SLF1: variants seen among roughly 807,000 people sequenced by gnomAD.
The protein encoded by SLF1 is SMC5/6 complex localization factor 1, also known as SMC5-SMC6 complex localization factor protein 1.
A neutral mutation model predicts 123.0 loss-of-function variants in SLF1; 105 were observed. That is an observed-to-expected ratio of 0.85 (90% CI 0.73 to 1.00). The LOEUF is 1.00. SLF1 is among the 50% of genes least tolerant of loss of function. The pLI, the probability that SLF1 is intolerant of heterozygous loss-of-function variation, is 0.00. For synonymous variants in SLF1, 434 were observed against 406.6 expected, an observed-to-expected ratio of 1.07 and a Z score of -0.81; for missense variants, 1,239 against 1,223.0, an observed-to-expected ratio of 1.01 and a Z score of -0.20.
chr5:94,646,130 G>A (rs905779067), intron 5 of SLF1, among the ~76,000 whole-genome samples: 6 of 152,124 alleles, frequency 3.9e-5, no homozygotes, highest in African/African-American at 1.4e-4. Context: ...CACACCTATA[G>A]TTCTAGCTAC....
chr5:94,672,752 A>G lies in SLF1; in HGVS notation c.1827+1744A>G, dbSNP rs527397923. ...AACATGGCAATGACATTTATTATCT[A>G]TGCTTGATTATTCCATATCTGAAGT... On this transcript the variant is annotated intron_variant, in intron 14 of 20. Transcript: ENST00000265140. 1.9e-4 allele frequency among the ~76,000 whole-genome samples: 29 copies of G among 152,210 alleles called. No homozygotes were observed. In the South Asian group the frequency reaches 5.6e-3, roughly 29 times the overall value.
chr5:94,660,821 G>C (rs895331907), intron 9 of SLF1, among the ~76,000 whole-genome samples: 1 of 152,166 alleles, frequency 6.6e-6, no homozygotes, highest in Admixed American at 6.5e-5. Flanking sequence ...AGAGGCCCCA[G>C]GCAGGTGGCT....
At chr5:94,650,634 G>A (rs1747598874) in intron 6 of SLF1, among the ~76,000 whole-genome samples, 1 of 152,128 alleles carries the variant, frequency 6.6e-6, no homozygotes, top group African/African-American at 2.4e-5. Flanking sequence ...AAAGTGCTGG[G>A]ATTACATAGT....
At chr5:94,684,829 C>T (rs1752232088) in intron 15 of SLF1, among the ~76,000 whole-genome samples, 1 of 152,030 alleles carries the variant, frequency 6.6e-6, no homozygotes, top group Non-Finnish European at 1.5e-5. Context: ...AGCCATTTGC[C>T]CAAAGGTTTA....
chr5:94,634,517 C>G (rs1561426059), intron 4 of SLF1, among the ~76,000 whole-genome samples: 2 of 152,162 alleles, frequency 1.3e-5, no homozygotes, highest in African/African-American at 2.4e-5. Flanking sequence ...TTCTCTCTTT[C>G]TAAAGTCTAC....
chr5:94,689,367 G>A (rs984458610), intron 17 of SLF1, 106 bp from the exon 18 acceptor site: 2 of 1,144,374 alleles, frequency 1.7e-6, no homozygotes, highest in Non-Finnish European at 2.4e-6. Context: ...ATGAGTAAGG[G>A]AGTTTAAATT....
intron 18 of SLF1, 140 bp downstream of exon 18, chr5:94,689,746 GTAT>G (rs1186521333): frequency 2.9e-6 from 2 of 690,678 alleles, no homozygotes; most frequent in Admixed American, 3.1e-5. Context: ...CTTGGATAAC[GTAT>G]TATTTTCTTG....
In SLF1 at chr5:94,671,017, GA is replaced by G. The variant is rs1354746208; in HGVS notation, c.1827+10del. ...AATTCAAGTCTAATGATGTAAGTAG[GA>G]TTAATTTATAGATGAATAGTCTATG... On this transcript the variant is annotated intron_variant, in intron 14 of 20. Transcript: ENST00000265140. 3.3e-6 allele frequency: 5 copies of G among 1,497,034 alleles called. No homozygotes were observed. The African/African-American group carries it at 7.0e-5, about 21-fold the overall frequency. 92.7% of individuals were successfully genotyped at this position (1,497,034 alleles called of 1,614,324 possible). A position where few individuals can be genotyped will look rare whatever the true frequency, so the allele number is the denominator to read the frequency against.
In SLF1 at chr5:94,634,168, A is replaced by G. The variant is rs543277927; in HGVS notation, c.431+3425A>G. Among the ~76,000 whole-genome samples the G allele has an allele frequency of 3.9e-5, 6 of 152,302 alleles. No homozygotes were observed. The East Asian group carries it at 5.8e-4, about 15-fold the overall frequency. ...ATTAGTCATTACTTCTGTTAGTCCT[A>G]TCAGCTTTTGCTTTATTTATACTGA... is the stretch of plus-strand genomic sequence containing the variant. On this transcript the variant is annotated intron_variant, in intron 4 of 20. Coordinates refer to ENST00000265140, the MANE Select transcript of SLF1 (RefSeq NM_032290.4).
rs397882900 is a variant in SLF1 at position 94,684,697 on chromosome 5, C to CA, written c.1976-1850dup. ...TGGGCAATAGAGCGAGACTCTGTCTCAAAAAAAAAAAAAAAAAAAAAAAAA... is the reference window on the plus strand; with the variant it reads ...TGGGCAATAGAGCGAGACTCTGTCTCAAAAAAAAAAAAAAAAAAAAAAAAAA... On this transcript the variant is annotated intron_variant, in intron 15 of 20. Coordinates refer to ENST00000265140, the MANE Select transcript of SLF1 (RefSeq NM_032290.4). Among the ~76,000 whole-genome samples the CA allele has an allele frequency of 7.0e-3, 479 of 68,752 alleles. 21 individuals are homozygous for CA. The highest frequency in any genetic ancestry group is 0.026 in the South Asian group (44 of 1,700). 45.1% of individuals were successfully genotyped at this position (68,752 alleles called of 152,430 possible). A position where few individuals can be genotyped will look rare whatever the true frequency, so the allele number is the denominator to read the frequency against.
chr5:94,680,323 GA>G (rs1400919876), intron 15 of SLF1, among the ~76,000 whole-genome samples: 1 of 152,060 alleles, frequency 6.6e-6, no homozygotes, highest in African/African-American at 2.4e-5. Flanking sequence ...TCATTGAGCT[GA>G]GGGGGTGATT....
At chr5:94,633,322 A>G (rs1249837470) in intron 4 of SLF1, among the ~76,000 whole-genome samples, 3 of 152,208 alleles carry the variant, frequency 2.0e-5, no homozygotes, top group Non-Finnish European at 2.9e-5. Context: ...CCAAACTTGT[A>G]TTCTTGAGAT....
At chr5:94,691,447 G>T in intron 18 of SLF1, 117 bp from the exon 19 acceptor site, 2 of 696,598 alleles carry the variant, frequency 2.9e-6, no homozygotes, top group Non-Finnish European at 4.5e-6. Context: ...GTCAAAAGAA[G>T]AACTCAATAA....
In SLF1 at chr5:94,667,497, C is replaced by G. The variant is rs74763656; in HGVS notation, c.1532+1473C>G. Among the ~76,000 whole-genome samples the G allele has an allele frequency of 2.6e-5, 4 of 152,256 alleles. No homozygotes were observed. The South Asian group carries it at 8.3e-4, about 32-fold the overall frequency. On this transcript the variant is annotated intron_variant, in intron 12 of 20. Transcript: ENST00000265140. ...TAATTTTTCTTCCAAAGTACCCCCC[C>G]ACAGTATGCTCTTTCCAAAGTGATC...
At chr5:94,649,723 G>C in intron 6 of SLF1, 126 bp downstream of exon 6, 1 of 873,098 alleles carries the variant, frequency 1.1e-6, no homozygotes, top group African/African-American at 1.7e-5. Flanking sequence ...TGTGTTTATA[G>C]TCTGTGACTT....
intron 12 of SLF1, among the ~76,000 whole-genome samples, chr5:94,667,929 G>A (rs965423025): frequency 6.6e-6 from 1 of 151,604 alleles, no homozygotes; most frequent in African/African-American, 2.4e-5. Context: ...TGTATTTTTT[G>A]TAGAAATGGG....
chr5:94,633,337 T>G (rs1464304568), intron 4 of SLF1, among the ~76,000 whole-genome samples: 1 of 152,240 alleles, frequency 6.6e-6, no homozygotes, highest in Non-Finnish European at 1.5e-5. Flanking sequence ...TGAGATAAAC[T>G]GTACTTCATC....
At chr5:94,677,422 C>T (rs1362882839) in intron 14 of SLF1, among the ~76,000 whole-genome samples, 1 of 151,990 alleles carries the variant, frequency 6.6e-6, no homozygotes, top group Non-Finnish European at 1.5e-5. Context: ...AATATTAGAT[C>T]TATTAGTTAT....
Position 94,685,002 on chromosome 5 carries a change from C to CA in SLF1, c.1976-1569dup, listed in dbSNP as rs1483769435. Reference sequence around the variant, plus strand: ...TCCTGGGCCTTTGCCCACTAGATGCCAATAGCATCCCTTTCCCCAATGTGG... The same window carrying CA: ...TCCTGGGCCTTTGCCCACTAGATGCCAAATAGCATCCCTTTCCCCAATGTGG... On this transcript the variant is annotated intron_variant, in intron 15 of 20. Transcript: ENST00000265140. 9.8e-5 allele frequency among the ~76,000 whole-genome samples: 15 copies of CA among 152,314 alleles called. No individual in the cohort carries two copies. In the East Asian group the frequency reaches 2.9e-3, roughly 29 times the overall value.
Sources: allele counts gnomAD v4.1 joint callset (sites outside exome capture counted in the v4.1 genomes callset), GRCh38; gene constraint gnomAD v4.1.1; transcripts MANE v1.5; gene names NCBI Gene and HGNC (gene_info 2026-07-23, HGNC 2026-07-21).